SATB2: variants seen among roughly 807,000 people sequenced by gnomAD.
SATB2 encodes SATB homeobox 2, also known as DNA-binding protein SATB2.
A neutral mutation model predicts 73.4 loss-of-function variants in SATB2; 1 was observed. That is an observed-to-expected ratio of 0.01 (90% CI 0.00 to 0.06). SATB2 has a LOEUF of 0.06. Ranked by LOEUF, SATB2 falls within the 10% of genes least tolerant of loss-of-function variation. SATB2 has a pLI of 1.00. For synonymous variants in SATB2, 397 were observed against 367.0 expected, an observed-to-expected ratio of 1.08 and a Z score of -0.93; for missense variants, 459 against 945.8, an observed-to-expected ratio of 0.49 and a Z score of 6.75.
chr2:199,285,624 C>T (rs566765745), intron 10 of SATB2, among the ~76,000 whole-genome samples: 2 of 151,486 alleles, frequency 1.3e-5, no homozygotes, highest in South Asian at 4.2e-4. Flanking sequence ...AAATTGCAGA[C>T]TACAGGTGTT....
chr2:199,277,262 G>A (rs1692343948), intron 10 of SATB2, among the ~76,000 whole-genome samples: 1 of 152,162 alleles, frequency 6.6e-6, no homozygotes. Flanking sequence ...TTTGTTAAAA[G>A]GATGTGTGTA....
At position 199,274,788 on chromosome 2, in the gene SATB2, C is replaced by G. The variant is rs1253207996; in HGVS notation, c.1741-2116G>C. ...AGCAAAAAAAGTGAGAGCTCCGTTACTTTAGCATCCTAATTATACCCGGCA... is the reference window on the plus strand; with the variant it reads ...AGCAAAAAAAGTGAGAGCTCCGTTAGTTTAGCATCCTAATTATACCCGGCA... On this transcript the variant is annotated intron_variant, in intron 10 of 10. Transcript: ENST00000417098. Among the ~76,000 whole-genome samples, 8 of 134,874 alleles carry G rather than the reference C, an allele frequency of 5.9e-5. No homozygotes were observed. In the Admixed American group the frequency reaches 7.4e-4, roughly 12 times the overall value. The allele number at this position is 134,874 out of a possible 152,430, so 88.5% of individuals were successfully genotyped here. A position where few individuals can be genotyped will look rare whatever the true frequency, so the allele number is the denominator to read the frequency against.
In SATB2 at chr2:199,402,190, T is replaced by C. The variant is rs562137358; in HGVS notation, c.347-20370A>G. ...TCATGAGGTCAAGAGATTGAGACCA[T>C]CCTGGCCAACATGGTGAAACCCCGT... On this transcript the variant is annotated intron_variant, in intron 3 of 10. Transcript: ENST00000417098. Among the ~76,000 whole-genome samples the C allele has an allele frequency of 4.5e-4, 69 of 152,092 alleles. 1 individual carries two copies. The South Asian group carries it at 6.0e-3, about 13-fold the overall frequency.
rs1015847011 is a variant in SATB2, at chr2:199,374,144, C to T, written c.598-5437G>A. 4.6e-5 allele frequency among the ~76,000 whole-genome samples: 7 copies of T among 152,174 alleles called. No homozygotes were observed. In the East Asian group the frequency reaches 7.7e-4, roughly 17 times the overall value. ...TATTTCTAAAGGCACACTACATGAA[C>T]GCCATACCATTGTCACACCGGAAAT... On this transcript the variant is annotated intron_variant, in intron 5 of 10. Coordinates refer to ENST00000417098, the MANE Select transcript of SATB2 (RefSeq NM_001172509.2).
chr2:199,391,828 G>GA (rs1320105882), intron 3 of SATB2, among the ~76,000 whole-genome samples: 9 of 152,088 alleles, frequency 5.9e-5, no homozygotes, highest in South Asian at 2.1e-4. Flanking sequence ...AGCAATGTCA[G>GA]AAAAAATGCC....
chr2:199,352,800 G>GA (rs534723072), intron 6 of SATB2, among the ~76,000 whole-genome samples: 1 of 150,842 alleles, frequency 6.6e-6, no homozygotes, highest in African/African-American at 2.4e-5. Flanking sequence ...ATTTTTTTTT[G>GA]AAAAACAAAA....
chr2:199,340,578 C>T lies in SATB2; in HGVS notation c.1173+8123G>A, dbSNP rs374323152. 1.0e-3 allele frequency among the ~76,000 whole-genome samples: 155 copies of T among 152,244 alleles called. 6 individuals carry two copies. In the South Asian group the frequency reaches 0.029, roughly 28 times the overall value. ...GAGCCTGAAACTTTCTTAATTATGG[C>T]ATGATGTGCTAGAGGCAGAAAAAAA... On this transcript the variant is annotated intron_variant, in intron 7 of 10. Transcript: ENST00000417098.
chr2:199,291,239 A>G (rs1314540062), intron 10 of SATB2, among the ~76,000 whole-genome samples: 1 of 152,214 alleles, frequency 6.6e-6, no homozygotes, highest in Admixed American at 6.5e-5. Context: ...TAACCTCTAT[A>G]GTTCCAACAC....
intron 5 of SATB2, among the ~76,000 whole-genome samples, chr2:199,371,028 T>C (rs1053975034): frequency 1.3e-5 from 2 of 151,912 alleles, no homozygotes; most frequent in Admixed American, 1.3e-4. Context: ...TTTGAGTTTA[T>C]GACACATTTT....
intron 7 of SATB2, 73 bp downstream of exon 7, chr2:199,348,627 TA>T (rs765027079): frequency 1.7e-6 from 2 of 1,195,282 alleles, no homozygotes; most frequent in Non-Finnish European, 2.4e-6. Flanking sequence ...TTTAAAGAGA[TA>T]AAAATAATTA....
At chr2:199,280,164 G>A (rs116243634) in intron 10 of SATB2, among the ~76,000 whole-genome samples, 1,776 of 152,252 alleles carry the variant, frequency 0.012, 30 homozygotes, top group African/African-American at 0.039. Flanking sequence ...TTCTTACGCC[G>A]ATCTTTACTG....
In SATB2 at chr2:199,406,588, T is replaced by A. The variant is rs140507103; in HGVS notation, c.347-24768A>T. 6.0e-3 allele frequency among the ~76,000 whole-genome samples: 919 copies of A among 152,296 alleles called. 10 individuals are homozygous for A. The Middle Eastern group carries it at 0.068, about 11-fold the overall frequency. On this transcript the variant is annotated intron_variant, in intron 3 of 10. Coordinates refer to ENST00000417098, the MANE Select transcript of SATB2 (RefSeq NM_001172509.2). Reference sequence around the variant, plus strand: ...CTTATAGTACTCATCATGGAAGGCATAATATAATAAATACATTTATGAAGG... The same window carrying A: ...CTTATAGTACTCATCATGGAAGGCAAAATATAATAAATACATTTATGAAGG...
intron 3 of SATB2, among the ~76,000 whole-genome samples, chr2:199,427,309 A>G (rs933471535): frequency 6.6e-6 from 1 of 152,194 alleles, no homozygotes. Flanking sequence ...TTTAAGTGTG[A>G]AAGAATAGAT....
At chr2:199,386,336 G>A (rs145878463) in intron 3 of SATB2, among the ~76,000 whole-genome samples, 128 of 152,180 alleles carry the variant, frequency 8.4e-4, no homozygotes, top group African/African-American at 2.6e-3. Context: ...ATGCTCAACC[G>A]GTACTGGACT....
intron 10 of SATB2, among the ~76,000 whole-genome samples, chr2:199,296,448 T>C (rs925706093): frequency 6.6e-6 from 1 of 152,124 alleles, no homozygotes; most frequent in African/African-American, 2.4e-5. Context: ...CCCAGCACTT[T>C]GGGAGGCCGA....
chr2:199,433,281 C>T, intron 3 of SATB2, 57 bp downstream of exon 3: 2 of 1,535,424 alleles, frequency 1.3e-6, no homozygotes, highest in East Asian at 2.3e-5. Context: ...AAAACATATT[C>T]TTCCTCAAAT....
intron 3 of SATB2, among the ~76,000 whole-genome samples, chr2:199,403,867 CTATT>C (rs1360315037): frequency 2.0e-5 from 3 of 151,948 alleles, no homozygotes; most frequent in Non-Finnish European, 4.4e-5. Flanking sequence ...ATTCAACCAT[CTATT>C]TAGCAAACAT....
chr2:199,301,807 A>C (rs918342908), intron 10 of SATB2, among the ~76,000 whole-genome samples: 3 of 152,170 alleles, frequency 2.0e-5, no homozygotes, highest in African/African-American at 7.2e-5. Context: ...ACAGAGATAC[A>C]CAGAAGATGG....
At chr2:199,333,030 G>A (rs901607724) in intron 7 of SATB2, among the ~76,000 whole-genome samples, 4 of 151,836 alleles carry the variant, frequency 2.6e-5, no homozygotes, top group South Asian at 2.1e-4. Context: ...TGTTCTTTAC[G>A]GCTCTCAGAC....
Sources: gnomAD v4.1 joint callset for allele counts (sites outside exome capture counted in the v4.1 genomes callset) on GRCh38, gnomAD v4.1.1 for gene constraint, MANE v1.5 for transcripts, NCBI Gene and HGNC (gene_info 2026-07-23, HGNC 2026-07-21) for gene names.